Variants in FRMD4A observed in about 807,000 individuals in gnomAD.
FRMD4A encodes FERM domain-containing protein 4A.
In FRMD4A, 29 loss-of-function variants were observed where a neutral mutation model predicts 129.1. That is an observed-to-expected ratio of 0.22 (90% CI 0.17 to 0.31). The LOEUF is 0.31. Ranked by LOEUF, FRMD4A falls within the 10% of genes least tolerant of loss-of-function variation. The probability of loss-of-function intolerance (pLI) is 1.00; values close to 1 mark genes in which losing one functional copy is unlikely to be tolerated. For missense variants in FRMD4A, 1,272 were observed against 1,375.8 expected (o/e 0.92, Z 1.19); for synonymous variants, 634 against 571.6 (o/e 1.11, Z -1.56).
chr10:14,074,045 A>T (rs941862037), intron 2 of FRMD4A, among the ~76,000 whole-genome samples: 2 of 152,208 alleles, frequency 1.3e-5, no homozygotes, highest in African/African-American at 4.8e-5. Context: ...CTGGAGGCAG[A>T]GGCTGAACAG....
At chr10:14,018,342 G>T (rs111239602) in intron 2 of FRMD4A, among the ~76,000 whole-genome samples, 3,110 of 149,978 alleles carry the variant, frequency 0.021, 112 homozygotes, top group African/African-American at 0.073. Context: ...TGTAGTCCCA[G>T]CTACTCAGGA....
chr10:13,823,944 C>T (rs946111123), intron 3 of FRMD4A, among the ~76,000 whole-genome samples: 1 of 152,190 alleles, frequency 6.6e-6, no homozygotes, highest in East Asian at 1.9e-4. Flanking sequence ...CGTATGACAT[C>T]TGCTATCCTC....
At chr10:14,055,505 C>T (rs189272723) in intron 2 of FRMD4A, among the ~76,000 whole-genome samples, 2 of 148,800 alleles carry the variant, frequency 1.3e-5, no homozygotes, top group Non-Finnish European at 3.0e-5. Context: ...ACACTCAAGA[C>T]CTAAGACAGT....
In FRMD4A at chr10:13,888,813, A is replaced by T. The variant is rs112381644; in HGVS notation, c.46-29901T>A. Among the ~76,000 whole-genome samples, 805 of 152,326 alleles carry T rather than the reference A, an allele frequency of 5.3e-3. 3 individuals carry two copies. The highest frequency in any genetic ancestry group is 0.018 in the African/African-American group (748 of 41,566). ...TGGAGAGTAGTTTAAAAGAACTTCA[A>T]AAGCTGGTTAACTGTTAGCATGTCT... is the stretch of plus-strand genomic sequence containing the variant. On this transcript the variant is annotated intron_variant, in intron 2 of 24. Transcript: ENST00000357447.
At chr10:13,810,521 A>G (rs1036411161) in intron 4 of FRMD4A, among the ~76,000 whole-genome samples, 80 of 152,354 alleles carry the variant, frequency 5.3e-4, no homozygotes, top group African/African-American at 1.7e-3. Context: ...ACAAACTCAC[A>G]TAGATCCACT....
chr10:14,229,234 G>T (rs990417152), intron 2 of FRMD4A, among the ~76,000 whole-genome samples: 3 of 151,838 alleles, frequency 2.0e-5, no homozygotes, highest in African/African-American at 7.3e-5. Flanking sequence ...ACCTACTTAA[G>T]AAAATATATT....
rs112041665 is a variant in FRMD4A at position 14,319,367 on chromosome 10, T to TCTCTCTCTCTCTCTCTCTCTCA, written c.45+10690_45+10691insTGAGAGAGAGAGAGAGAGAGAG. 7.9e-4 allele frequency among the ~76,000 whole-genome samples: 114 copies of TCTCTCTCTCTCTCTCTCTCTCA among 145,132 alleles called. 1 individual carries two copies. Among genetic ancestry groups the TCTCTCTCTCTCTCTCTCTCTCA allele is most frequent in the Non-Finnish European group, 1.1e-3 (71 of 66,912 alleles). On this transcript the variant is annotated intron_variant, in intron 2 of 24. Coordinates refer to ENST00000357447, the MANE Select transcript of FRMD4A (RefSeq NM_018027.5). Reference sequence around the variant, plus strand: ...TCTCTCTCCTCTCTCTCTCTCTCTCTCACACACACACACACACACATGATA... The same window carrying TCTCTCTCTCTCTCTCTCTCTCA: ...TCTCTCTCCTCTCTCTCTCTCTCTCTCTCTCTCTCTCTCTCTCTCTCACACACACACACACACACACATGATA...
chr10:13,853,829 CAAAA>C (rs745585369), intron 3 of FRMD4A, among the ~76,000 whole-genome samples: 293 of 89,840 alleles, frequency 3.3e-3, no homozygotes, highest in African/African-American at 0.013. Context: ...AAGACTCTCT[CAAAA>C]AAAAAAAAAA....
At chr10:14,218,955 CAAAAAAAAAAAAAAAAAA>C (rs56064346) in intron 2 of FRMD4A, among the ~76,000 whole-genome samples, 3 of 72,650 alleles carry the variant, frequency 4.1e-5, no homozygotes, top group African/African-American at 2.3e-4. Context: ...GACTTCATCT[CAAAAAAAAAAAAAAAAAA>C]AAAAAAAAAA....
At chr10:13,833,746 C>A (rs1211300946) in intron 3 of FRMD4A, among the ~76,000 whole-genome samples, 1 of 152,068 alleles carries the variant, frequency 6.6e-6, no homozygotes, top group African/African-American at 2.4e-5. Flanking sequence ...CTAATCTATA[C>A]AGAATTGCAG....
At chr10:13,649,212 C>T (rs1003014522) in intron 24 of FRMD4A, 2 of 152,226 alleles carry the variant, frequency 1.3e-5, no homozygotes, top group East Asian at 3.8e-4. Flanking sequence ...TAATCTGCTT[C>T]AGAGGGACTA....
At chr10:14,216,370 G>C (rs1843075457) in intron 2 of FRMD4A, among the ~76,000 whole-genome samples, 1 of 152,106 alleles carries the variant, frequency 6.6e-6, no homozygotes, top group Non-Finnish European at 1.5e-5. Flanking sequence ...AACTGTATTT[G>C]CTCAAAAGTG....
chr10:14,075,774 G>T (rs1329525763), intron 2 of FRMD4A, among the ~76,000 whole-genome samples: 2 of 151,222 alleles, frequency 1.3e-5, no homozygotes, highest in Non-Finnish European at 2.9e-5. Context: ...ATATGTATAT[G>T]CACACACACA....
At chr10:13,752,710 C>T (rs973196756) in intron 8 of FRMD4A, among the ~76,000 whole-genome samples, 18 of 152,120 alleles carry the variant, frequency 1.2e-4, no homozygotes, top group Non-Finnish European at 4.4e-5. Flanking sequence ...TGAGCAGAAT[C>T]ATGAAGGTCA....
rs2093622890 is a variant in FRMD4A, at chr10:13,821,060, C to T, written c.112-10152G>A. On this transcript the variant is annotated intron_variant, in intron 3 of 24. Transcript: ENST00000357447. The surrounding 1 kb of genome is among the most constrained non-coding windows in gnomAD (Gnocchi z 4.3). ...GCCTGGGCTGTCACTGTGTGTCCCT[C>T]TCCATCCCCATGGGGGCTCTGAGCC... Among the ~76,000 whole-genome samples the T allele has an allele frequency of 6.6e-6, 1 of 152,238 alleles. No individual in the cohort carries two copies. The highest frequency in any genetic ancestry group is 2.1e-4 in the South Asian group (1 of 4,828).
intron 3 of FRMD4A, among the ~76,000 whole-genome samples, chr10:13,846,662 C>T (rs1395223947): frequency 1.3e-5 from 2 of 152,232 alleles, no homozygotes; most frequent in African/African-American, 4.8e-5. Flanking sequence ...GGCATAGGGC[C>T]TGCCCAGAGA....
chr10:13,697,338 G>A (rs773078437), intron 14 of FRMD4A, among the ~76,000 whole-genome samples: 3 of 152,090 alleles, frequency 2.0e-5, no homozygotes, highest in Non-Finnish European at 4.4e-5. Flanking sequence ...AGTAGATACG[G>A]GGTTTTGCCA....
At chr10:14,275,818 C>T (rs922818869) in intron 2 of FRMD4A, among the ~76,000 whole-genome samples, 3 of 152,138 alleles carry the variant, frequency 2.0e-5, no homozygotes, top group Admixed American at 6.5e-5. Context: ...GAAGGAGGAT[C>T]GCTTGAGTCC....
intron 2 of FRMD4A, among the ~76,000 whole-genome samples, chr10:13,924,102 T>C (rs1436716851): frequency 3.3e-5 from 5 of 152,334 alleles, no homozygotes; most frequent in African/African-American, 1.2e-4. Flanking sequence ...CTTGAAGCTG[T>C]TATTCCCCAC....
Sources: gnomAD v4.1 joint callset for allele counts (sites outside exome capture counted in the v4.1 genomes callset) on GRCh38, gnomAD v4.1.1 for gene constraint, Gnocchi (gnomAD v3.1) non-coding constraint, MANE v1.5 for transcripts, NCBI Gene and HGNC (gene_info 2026-07-23, HGNC 2026-07-21) for gene names.